Variants in STEAP1B observed in about 807,000 individuals in gnomAD.
STEAP1B encodes STEAP family member 1B.
STEAP1B carries 13 observed loss-of-function variants against 27.9 expected under a neutral mutation model. The observed-to-expected ratio is 0.47, with a 90% CI of 0.30 to 0.74. STEAP1B has a LOEUF of 0.74. Among genes scored for constraint, STEAP1B ranks in the 30% least tolerant of loss-of-function variants. The probability of loss-of-function intolerance (pLI) is 0.06; values close to 1 mark genes in which losing one functional copy is unlikely to be tolerated. For synonymous variants in STEAP1B, 86 were observed against 107.1 expected (o/e 0.80, Z 1.22); for missense variants, 250 against 298.7 (o/e 0.84, Z 1.20).
At chr7:22,437,996 T>C (rs538084441) in intron 4 of STEAP1B, among the ~76,000 whole-genome samples, 2 of 152,356 alleles carry the variant, frequency 1.3e-5, no homozygotes, top group South Asian at 4.1e-4. Flanking sequence ...CTAACATACA[T>C]TGGACATGAA....
At chr7:22,491,636 G>GAGTCAA (rs1263370860) in intron 4 of STEAP1B, among the ~76,000 whole-genome samples, 2 of 152,152 alleles carry the variant, frequency 1.3e-5, no homozygotes, top group Admixed American at 6.5e-5. Context: ...CAAGGCCATG[G>GAGTCAA]AGTCAAAGTC....
chr7:22,494,828 G>T lies in STEAP1B; in HGVS notation c.28C>A (p.Gln10Lys). 6.3e-7 allele frequency: 1 copy of T among 1,587,320 alleles called. No individual in the cohort carries two copies. Among genetic ancestry groups the T allele is most frequent in the Admixed American group, 1.8e-5 (1 of 56,874 alleles). Residue 10 changes from glutamine to lysine, a missense_variant, in exon 2 of 5, where the codon CAA (glutamine) becomes AAA (lysine). Transcript: ENST00000678116. ...GGCTTCATTTTCCAAATTTCTTCTT[G>T]GTTTGTGATGTCTTTTCTGCTTTCC... is the stretch of plus-strand genomic sequence containing the variant. Reference protein sequence around the residue: MESRKDITNQEEIWKMKPRR... With the variant: MESRKDITNKEEIWKMKPRR...
chr7:22,435,615 T>C (rs986218044), intron 4 of STEAP1B, among the ~76,000 whole-genome samples: 1 of 152,166 alleles, frequency 6.6e-6, no homozygotes, highest in Admixed American at 6.5e-5. Flanking sequence ...AAAATTTGCT[T>C]GAGAGACCAA....
At chr7:22,438,241 G>A (rs1343529271) in intron 4 of STEAP1B, among the ~76,000 whole-genome samples, 1 of 152,072 alleles carries the variant, frequency 6.6e-6, no homozygotes, top group African/African-American at 2.4e-5. Flanking sequence ...GCTCTCCCAT[G>A]GCCAACAAAG....
chr7:22,446,266 T>C (rs1394401035), intron 4 of STEAP1B, among the ~76,000 whole-genome samples: 2 of 152,238 alleles, frequency 1.3e-5, no homozygotes, highest in Admixed American at 1.3e-4. Flanking sequence ...ATCCTATAGA[T>C]TTGGGCCAGG....
chr7:22,461,588 C>G (rs1375931262), intron 4 of STEAP1B, among the ~76,000 whole-genome samples: 2 of 152,172 alleles, frequency 1.3e-5, no homozygotes, highest in African/African-American at 4.8e-5. Context: ...CTGGGCAATT[C>G]TGCTCCAGCG....
intron 4 of STEAP1B, among the ~76,000 whole-genome samples, chr7:22,488,539 T>C (rs951102414): frequency 6.6e-6 from 1 of 152,328 alleles, no homozygotes; most frequent in Admixed American, 6.5e-5. Flanking sequence ...TGTGGCCTTC[T>C]TTCAAAGTGA....
chr7:22,472,588 A>C (rs1386211061), intron 4 of STEAP1B, among the ~76,000 whole-genome samples: 1 of 152,198 alleles, frequency 6.6e-6, no homozygotes, highest in Non-Finnish European at 1.5e-5. Context: ...ATAAAAAATA[A>C]ACCGTCCTTT....
chr7:22,467,475 G>A (rs1215445324), intron 4 of STEAP1B, among the ~76,000 whole-genome samples: 1 of 152,118 alleles, frequency 6.6e-6, no homozygotes, highest in Admixed American at 6.5e-5. Context: ...ATACTGATAT[G>A]GTTTGGCTAT....
chr7:22,489,319 C>T (rs1180503722), intron 4 of STEAP1B, among the ~76,000 whole-genome samples: 1 of 152,138 alleles, frequency 6.6e-6, no homozygotes, highest in African/African-American at 2.4e-5. Flanking sequence ...CATACTTAAA[C>T]AGTACTATAT....
intron 4 of STEAP1B, among the ~76,000 whole-genome samples, chr7:22,476,504 G>C (rs971167876): frequency 6.6e-6 from 1 of 152,102 alleles, no homozygotes; most frequent in African/African-American, 2.4e-5. Context: ...CTCCACCTGG[G>C]ACCTTCATTT....
rs772322863 is a variant in STEAP1B, at chr7:22,493,619, G to A, written c.302C>T (p.Ser101Phe). The A allele has an allele frequency of 2.5e-6, 4 of 1,613,950 alleles. No individual in the cohort carries two copies. Among genetic ancestry groups the A allele is most frequent in the Non-Finnish European group, 3.4e-6 (4 of 1,179,858 alleles). Residue 101 changes from serine to phenylalanine, a missense_variant, in exon 3 of 5, where the codon TCC becomes TTC. Physicochemically the swap from Ser to Phe is radical, Grantham distance 155. Coordinates refer to ENST00000678116, the MANE Select transcript of STEAP1B (RefSeq NM_001382447.1). ...AATTTTATAAAAATATTGTTGATGGGAAGTTGCTAAAGGGTGAATTACTTC... is the reference window on the plus strand; with the variant it reads ...AATTTTATAAAAATATTGTTGATGGAAAGTTGCTAAAGGGTGAATTACTTC... ...LREVIHPLAT[S>F]HQQYFYKIPI... is the part of the protein sequence containing the mutation.
intron 4 of STEAP1B, among the ~76,000 whole-genome samples, chr7:22,450,462 C>G (rs1785469649): frequency 6.6e-6 from 1 of 152,104 alleles, no homozygotes; most frequent in Non-Finnish European, 1.5e-5. Flanking sequence ...TCTTGGCACC[C>G]TTGTTGAAAA....
intron 4 of STEAP1B, among the ~76,000 whole-genome samples, chr7:22,432,308 G>A (rs1002413424): frequency 6.6e-6 from 1 of 151,910 alleles, no homozygotes; most frequent in East Asian, 1.9e-4. Context: ...GGAGGCTGAG[G>A]TGGGAAGATC....
chr7:22,496,064 G>T (rs1375047599), intron 1 of STEAP1B, among the ~76,000 whole-genome samples: 1 of 152,148 alleles, frequency 6.6e-6, no homozygotes, highest in Non-Finnish European at 1.5e-5. Flanking sequence ...TACTGCCCTT[G>T]AAGACCTTCC....
intron 4 of STEAP1B, among the ~76,000 whole-genome samples, chr7:22,476,973 A>G (rs1425717683): frequency 1.3e-5 from 2 of 152,212 alleles, no homozygotes. Context: ...GGTCACTCAC[A>G]GTTCCTTGCT....
intron 4 of STEAP1B, among the ~76,000 whole-genome samples, chr7:22,480,485 T>C (rs1786049993): frequency 6.6e-6 from 1 of 152,142 alleles, no homozygotes; most frequent in Non-Finnish European, 1.5e-5. Context: ...CCAAGATGGA[T>C]TAAATTTATG....
chr7:22,451,176 G>A (rs1434399642), intron 4 of STEAP1B, among the ~76,000 whole-genome samples: 2 of 146,752 alleles, frequency 1.4e-5, no homozygotes, highest in African/African-American at 2.5e-5. Flanking sequence ...CAGCATGGGC[G>A]ACAGAGATTC....
intron 1 of STEAP1B, among the ~76,000 whole-genome samples, chr7:22,497,731 G>C (rs929060720): frequency 6.6e-6 from 1 of 152,118 alleles, no homozygotes; most frequent in Non-Finnish European, 1.5e-5. Flanking sequence ...CCTGAGACTG[G>C]GTAATTATTA....
Sources: gnomAD v4.1 joint callset for allele counts (sites outside exome capture counted in the v4.1 genomes callset) on GRCh38, gnomAD v4.1.1 for gene constraint, MANE v1.5 for transcripts, NCBI Gene and HGNC (gene_info 2026-07-23, HGNC 2026-07-21) for gene names.